Variants in CIB2 observed in about 807,000 individuals in gnomAD.
The protein encoded by CIB2 is calcium and integrin-binding family member 2.
A neutral mutation model predicts 23.1 loss-of-function variants in CIB2; 19 were observed. The ratio of observed to expected loss-of-function variants is 0.82; its 90% CI spans 0.57 to 1.21. The LOEUF is 1.21. Among genes scored for constraint, CIB2 ranks in the 50% most tolerant of loss-of-function variants. CIB2 has a pLI of 0.00. For synonymous variants in CIB2, 94 were observed against 91.7 expected, an observed-to-expected ratio of 1.03 and a Z score of -0.14; for missense variants, 220 against 241.5, an observed-to-expected ratio of 0.91 and a Z score of 0.59.
chr15:78,119,201 A>G (rs1390398459), intron 2 of CIB2, among the ~76,000 whole-genome samples: 5 of 151,892 alleles, frequency 3.3e-5, no homozygotes, highest in Non-Finnish European at 7.4e-5. Flanking sequence ...CGTATATGTC[A>G]TTTTGTGACT....
chr15:78,113,337 T>C lies in CIB2; in HGVS notation c.87-2061A>G, dbSNP rs180844536. ...AGCAGGAGGGGAAAACCCCTAAACT[T>C]GTACTTTGGGTGGGAGGAGGCTCAG... On this transcript the variant is annotated intron_variant, in intron 2 of 5. Coordinates refer to ENST00000258930, the MANE Select transcript of CIB2 (RefSeq NM_006383.4). 1.6e-4 allele frequency among the ~76,000 whole-genome samples: 24 copies of C among 152,232 alleles called. 1 individual carries two copies. The East Asian group carries it at 4.4e-3, about 28-fold the overall frequency.
rs768703133 is a variant in CIB2, at chr15:78,109,315, T to G, written c.266A>C (p.Asn89Thr). ...SEDGEGNLTF[N>T]DFVDMFSVLC... The stretch of plus-strand genomic sequence containing the variant: ...CACGGAAAACATGTCCACAAAGTCG[T>G]TGAAAGTGAGGTTCCCCTCACCATC... Residue 89 changes from asparagine (N) to threonine (T), a missense_variant, in exon 4 of 6, where the codon AAC becomes ACC. Asn to Thr is a moderately conservative substitution (Grantham distance 65). Transcript: ENST00000258930. 1 of 1,613,586 alleles carries G rather than the reference T, an allele frequency of 6.2e-7. No individual in the cohort carries two copies. The highest frequency in any genetic ancestry group is 8.5e-7 in the Non-Finnish European group (1 of 1,179,720).
intron 3 of CIB2, 198 bp from the exon 4 acceptor site, chr15:78,109,580 A>G (rs1291624827): frequency 1.6e-6 from 1 of 637,148 alleles, no homozygotes; most frequent in Non-Finnish European, 2.8e-6. Context: ...TAAAGTATGT[A>G]AGGTGTTGGT....
rs747085927 is a variant in CIB2, at chr15:78,105,828, C to G, written c.453G>C (p.Lys151Asn). 2.2e-5 allele frequency: 35 copies of G among 1,614,200 alleles called. No homozygotes were observed. The Middle Eastern group carries it at 6.6e-4, about 30-fold the overall frequency. Residue 151 changes from lysine to asparagine, a missense_variant, in exon 5 of 6, where the codon AAG becomes AAC. Physicochemically the swap from Lys to Asn is moderately conservative, Grantham distance 94. Transcript: ENST00000258930. ...DEEEVVLVCD[K>N]VIEEADLDGD... is the part of the protein sequence containing the mutation. Reference sequence around the variant, plus strand: ...CGTCCAAGTCAGCCTCCTCAATGACCTTGTCGCACACAAGCACCACCTCCT... The same window carrying G: ...CGTCCAAGTCAGCCTCCTCAATGACGTTGTCGCACACAAGCACCACCTCCT...
chr15:78,110,675 G>C, intron 3 of CIB2: 1 of 456,174 alleles, frequency 2.2e-6, no homozygotes, highest in South Asian at 1.5e-5. Context: ...TGCTCGAAAA[G>C]CAGAATCCTG....
At chr15:78,118,748 T>C (rs182615134) in intron 2 of CIB2, among the ~76,000 whole-genome samples, 201 of 152,334 alleles carry the variant, frequency 1.3e-3, no homozygotes, top group African/African-American at 4.1e-3. Flanking sequence ...TTCACATTAT[T>C]ATGCAACCAT....
chr15:78,106,842 C>T (rs1015521303), intron 4 of CIB2, among the ~76,000 whole-genome samples: 1 of 152,070 alleles, frequency 6.6e-6, no homozygotes, highest in East Asian at 1.9e-4. Context: ...GTGACAAAGA[C>T]CCATCATGTG....
At chr15:78,122,080 C>G (rs1018960394) in intron 2 of CIB2, among the ~76,000 whole-genome samples, 3 of 152,212 alleles carry the variant, frequency 2.0e-5, no homozygotes, top group Non-Finnish European at 4.4e-5. Flanking sequence ...GCCATGCTCC[C>G]TGTTAGTCCT....
chr15:78,131,245 C>G lies in CIB2; in HGVS notation c.-30G>C. The G allele has an allele frequency of 1.4e-6, 2 of 1,468,778 alleles. No individual in the cohort carries two copies. The highest frequency in any genetic ancestry group is 9.1e-7 in the Non-Finnish European group (1 of 1,104,374). The allele number at this position is 1,468,778 out of a possible 1,614,324, so 91.0% of individuals were successfully genotyped here. ...GCCGCCGCGCCGCCGCTCGCCCGCC[C>G]GGGCTCCGACTCCCATCAGCGGCCG... is the stretch of plus-strand genomic sequence containing the variant. On this transcript the variant is annotated 5_prime_UTR_variant, in exon 1 of 6. Transcript: ENST00000258930. This position sits in a 1 kb window ranked among gnomAD's most constrained non-coding sequence, Gnocchi z 5.8.
intron 1 of CIB2, among the ~76,000 whole-genome samples, chr15:78,129,619 C>T (rs1567061199): frequency 1.3e-5 from 2 of 152,232 alleles, no homozygotes; most frequent in Admixed American, 1.3e-4. Context: ...CCCACTAGTG[C>T]CCTTCCCTAG....
At chr15:78,117,621 T>C (rs1056909298) in intron 2 of CIB2, among the ~76,000 whole-genome samples, 3 of 152,238 alleles carry the variant, frequency 2.0e-5, no homozygotes, top group Admixed American at 1.3e-4. Flanking sequence ...TGCCACCATA[T>C]ACAGATTGAA....
Position 78,131,143 on chromosome 15 carries a change from G to A in CIB2, c.51+22C>T, listed in dbSNP as rs759352267. 15 of 1,574,964 alleles carry A rather than the reference G, an allele frequency of 9.5e-6. No individual in the cohort carries two copies. The highest frequency in any genetic ancestry group is 1.7e-5 in the Admixed American group (1 of 57,648). On this transcript the variant is annotated intron_variant, in intron 1 of 5. Transcript: ENST00000258930. This position sits in a 1 kb window ranked among gnomAD's most constrained non-coding sequence, Gnocchi z 5.8. ...GGCGGGGCGGCGGGGCCTGTGTTGG[G>A]GGCCGGGCGCGCCGAGCTCACCTGG...
intron 2 of CIB2, among the ~76,000 whole-genome samples, chr15:78,113,773 G>A (rs972798993): frequency 5.3e-5 from 8 of 152,118 alleles, no homozygotes; most frequent in East Asian, 1.9e-4. Flanking sequence ...CTCATGATCC[G>A]CCCACCTCGG....
intron 1 of CIB2, among the ~76,000 whole-genome samples, chr15:78,128,107 T>C (rs1385379662): frequency 6.6e-6 from 1 of 152,176 alleles, no homozygotes; most frequent in Admixed American, 6.5e-5. Flanking sequence ...AACAGTGAGG[T>C]GCCCAGTATA....
chr15:78,106,781 C>T (rs997687309), intron 4 of CIB2, among the ~76,000 whole-genome samples: 8 of 152,114 alleles, frequency 5.3e-5, no homozygotes, highest in Non-Finnish European at 1.0e-4. Flanking sequence ...GGGTCCTCTT[C>T]CCCGCAAATG....
Position 78,131,124 on chromosome 15 carries a change from G to A in CIB2, c.51+41C>T, listed in dbSNP as rs746200171. 3.3e-6 allele frequency: 5 copies of A among 1,532,426 alleles called. No individual in the cohort carries two copies. The highest frequency in any genetic ancestry group is 1.9e-5 in the Admixed American group (1 of 53,682). The allele number at this position is 1,532,426 out of a possible 1,614,324, so 94.9% of individuals were successfully genotyped here. ...ACCGAGAAAAGGGAGGGGCGGCGGG[G>A]CGGCGGGGCCTGTGTTGGGGGCCGG... On this transcript the variant is annotated intron_variant, in intron 1 of 5. Coordinates refer to ENST00000258930, the MANE Select transcript of CIB2 (RefSeq NM_006383.4). This position sits in a 1 kb window ranked among gnomAD's most constrained non-coding sequence, Gnocchi z 5.8.
Position 78,111,237 on chromosome 15 carries a change from G to A in CIB2, c.126C>T (p.Val42=), listed in dbSNP as rs750179982. ...TGGGGCTCTTCCTGTAGTCCATTGGGACGAGGTTGGGGGCCAGCTCATAGA... is the reference window on the plus strand; with the variant it reads ...TGGGGCTCTTCCTGTAGTCCATTGGAACGAGGTTGGGGGCCAGCTCATAGA... The part of the protein sequence containing the change: ...SRFYELAPNL[V]PMDYRKSPIV... Residue 42 remains valine, a synonymous_variant, in exon 3 of 6, where the codon GTC becomes GTT. Coordinates refer to ENST00000258930, the MANE Select transcript of CIB2 (RefSeq NM_006383.4). 1 of 1,614,198 alleles carries A rather than the reference G, an allele frequency of 6.2e-7. No homozygotes were observed. Among genetic ancestry groups the A allele is most frequent in the Non-Finnish European group, 8.5e-7 (1 of 1,180,036 alleles).
At chr15:78,105,412 G>C in intron 5 of CIB2, 80 bp from the exon 6 acceptor site, 1 of 1,601,902 alleles carries the variant, frequency 6.2e-7, no homozygotes, top group Non-Finnish European at 8.5e-7. Flanking sequence ...AAGCACAGCA[G>C]GCCCCAGCCC....
chr15:78,113,608 G>A (rs931329805), intron 2 of CIB2, among the ~76,000 whole-genome samples: 4 of 151,356 alleles, frequency 2.6e-5, no homozygotes, highest in African/African-American at 9.7e-5. Flanking sequence ...TCGGCTCACT[G>A]CAAGCTCCGC....
Sources: gnomAD v4.1 joint callset for allele counts (sites outside exome capture counted in the v4.1 genomes callset) on GRCh38, gnomAD v4.1.1 for gene constraint, Gnocchi (gnomAD v3.1) non-coding constraint, MANE v1.5 for transcripts, NCBI Gene and HGNC (gene_info 2026-07-23, HGNC 2026-07-21) for gene names.